LRRC37A2: variants seen among roughly 807,000 people sequenced by gnomAD.
LRRC37A2 encodes the protein leucine rich repeat containing 37 member A2.
In LRRC37A2, 9 loss-of-function variants were observed where a neutral mutation model predicts 68.8. The observed-to-expected ratio is 0.13, with a 90% CI of 0.08 to 0.23. The LOEUF is 0.23. LRRC37A2 is among the 10% of genes least tolerant of loss of function. The pLI, the probability that LRRC37A2 is intolerant of heterozygous loss-of-function variation, is 1.00. For synonymous variants in LRRC37A2, 63 were observed against 367.6 expected (o/e 0.17, Z 9.48); for missense variants, 168 against 950.4 (o/e 0.18, Z 10.82).
At chr17:46,929,606 C>CTGTAATTAA in the LRRC37A2 span, 6 of 1,224,876 alleles carry the variant, frequency 4.9e-6, no homozygotes, top group Non-Finnish European at 6.1e-6. Flanking sequence ...ACTGTGGAGA[C>CTGTAATTAA]CAGAGTCCTT....
the LRRC37A2 span, chr17:46,978,506 C>T: frequency 9.6e-7 from 1 of 1,038,242 alleles, no homozygotes; most frequent in Non-Finnish European, 1.3e-6. Flanking sequence ...CCGACAGTCT[C>T]GCCGCGTCCC....
At chr17:46,990,844 T>A in the LRRC37A2 span, among the ~76,000 whole-genome samples, 1 of 152,066 alleles carries the variant, frequency 6.6e-6, no homozygotes, top group East Asian at 1.9e-4. Context: ...CTAATTTTCA[T>A]ATATTTGGTA....
the LRRC37A2 span, among the ~76,000 whole-genome samples, chr17:46,953,382 A>AT: frequency 6.6e-6 from 1 of 152,092 alleles, no homozygotes; most frequent in African/African-American, 2.4e-5. Flanking sequence ...TGAGCTCATC[A>AT]TTTTTTATGG....
At chr17:46,843,797 T>C in the LRRC37A2 span, among the ~76,000 whole-genome samples, 2 of 152,230 alleles carry the variant, frequency 1.3e-5, no homozygotes, top group Non-Finnish European at 2.9e-5. Flanking sequence ...TATATAGATA[T>C]GTCAGAATGC....
chr17:47,022,096 T>C, the LRRC37A2 span, among the ~76,000 whole-genome samples: 1 of 151,078 alleles, frequency 6.6e-6, no homozygotes, highest in Non-Finnish European at 1.5e-5. Context: ...GTAGGCTCTC[T>C]TTAAAATAAG....
the LRRC37A2 span, among the ~76,000 whole-genome samples, chr17:46,859,407 A>G: frequency 1.3e-5 from 2 of 152,196 alleles, no homozygotes; most frequent in African/African-American, 4.8e-5. Context: ...TGAAATGATG[A>G]TGTTTTCTCC....
chr17:46,773,922 A>C, the LRRC37A2 span: 1 of 1,610,094 alleles, frequency 6.2e-7, no homozygotes, highest in Non-Finnish European at 8.5e-7. Context: ...GCAGGCAGAC[A>C]GAGGGTAGTA....
the LRRC37A2 span, chr17:46,875,287 G>A: frequency 6.2e-7 from 1 of 1,614,168 alleles, no homozygotes; most frequent in East Asian, 2.2e-5. Context: ...AAGTTTCTGA[G>A]CAACTTCCTG....
At chr17:46,831,861 A>C in the LRRC37A2 span, among the ~76,000 whole-genome samples, 2 of 152,224 alleles carry the variant, frequency 1.3e-5, no homozygotes, top group Non-Finnish European at 2.9e-5. Flanking sequence ...TCCTGTATGC[A>C]TTGAGTGAAT....
chr17:46,771,192 G>A, the LRRC37A2 span, among the ~76,000 whole-genome samples: 4 of 152,312 alleles, frequency 2.6e-5, no homozygotes, highest in Non-Finnish European at 4.4e-5. Flanking sequence ...AACGACGGGA[G>A]GGCGAAGAGT....
chr17:46,703,746 A>C, the LRRC37A2 span, among the ~76,000 whole-genome samples: 1 of 150,144 alleles, frequency 6.7e-6, no homozygotes, highest in African/African-American at 2.4e-5. Context: ...TAACCATTTT[A>C]AATGTACAAT....
chr17:46,502,136 G>C, the LRRC37A2 span, among the ~76,000 whole-genome samples: 2 of 151,136 alleles, frequency 1.3e-5, no homozygotes, highest in Admixed American at 1.3e-4. Flanking sequence ...ATAAGCTTTA[G>C]ATTTTGAGAA....
chr17:46,708,491 C>CTTTT, the LRRC37A2 span, among the ~76,000 whole-genome samples: 6 of 124,854 alleles, frequency 4.8e-5, no homozygotes, highest in Admixed American at 8.7e-5. Flanking sequence ...GTTACATATC[C>CTTTT]TTTTTTTTTT....
At chr17:47,032,245 TTC>T in the LRRC37A2 span, among the ~76,000 whole-genome samples, 1 of 142,942 alleles carries the variant, frequency 7.0e-6, no homozygotes, top group Non-Finnish European at 1.5e-5. Context: ...ATGTCCGAAG[TTC>T]TTAGAACAGT....
the LRRC37A2 span, among the ~76,000 whole-genome samples, chr17:47,023,913 C>G: frequency 6.6e-6 from 1 of 152,034 alleles, no homozygotes; most frequent in African/African-American, 2.4e-5. Context: ...ATTTTAAAAA[C>G]AAGAAAATTA....
At chr17:46,825,179 C>T in the LRRC37A2 span, among the ~76,000 whole-genome samples, 1 of 152,260 alleles carries the variant, frequency 6.6e-6, no homozygotes. Flanking sequence ...GTGATCCTAC[C>T]TGAGGAGTTA....
At chr17:46,750,387 ATTTCAGATTT>A in the LRRC37A2 span, among the ~76,000 whole-genome samples, 1 of 152,106 alleles carries the variant, frequency 6.6e-6, no homozygotes, top group African/African-American at 2.4e-5. Context: ...AGTGTTTCAG[ATTTCAGATTT>A]TTTCAGATTT....
At chr17:47,027,653 A>G in the LRRC37A2 span, 1 of 1,015,592 alleles carries the variant, frequency 9.8e-7, no homozygotes, top group Non-Finnish European at 1.5e-6. Context: ...TAACTTGATT[A>G]CATTTGGAAT....
At chr17:46,779,468 G>A in the LRRC37A2 span, among the ~76,000 whole-genome samples, 1 of 152,142 alleles carries the variant, frequency 6.6e-6, no homozygotes, top group Non-Finnish European at 1.5e-5. Flanking sequence ...CCCTCCTCCT[G>A]AAGCCGGCTC....
Sources: gnomAD v4.1 joint callset for allele counts (sites outside exome capture counted in the v4.1 genomes callset) on GRCh38, gnomAD v4.1.1 for gene constraint, MANE v1.5 for transcripts, NCBI Gene and HGNC (gene_info 2026-07-23, HGNC 2026-07-21) for gene names.